The following SYMPK variants were observed in gnomAD, a reference collection of about 807,000 sequenced individuals.
SYMPK encodes the protein symplekin.
In SYMPK, 49 loss-of-function variants were observed where a neutral mutation model predicts 136.4. The ratio of observed to expected loss-of-function variants is 0.36; its 90% CI spans 0.29 to 0.46. The LOEUF (loss-of-function observed/expected upper bound fraction) is 0.46. Ranked by LOEUF, SYMPK falls within the 20% of genes least tolerant of loss-of-function variation. SYMPK has a pLI of 1.00. For synonymous variants in SYMPK, 766 were observed against 713.0 expected (o/e 1.07, Z -1.19); for missense variants, 1,365 against 1,690.0 (o/e 0.81, Z 3.37).
intron 1 of SYMPK, among the ~76,000 whole-genome samples, chr19:45,861,255 A>G (rs1971960590): frequency 1.3e-5 from 2 of 152,086 alleles, no homozygotes; most frequent in South Asian, 4.1e-4. Flanking sequence ...TAATACATTC[A>G]GATCAACCAA....
rs996145350 is a variant in SYMPK, at chr19:45,829,923, G to A, written c.1749+131C>T. ...GAGGATGGGAGTGATCTGGAGAAGCGGCTGTGGGCAGCAGAGCTGGGGTCC... is the reference window on the plus strand; with the variant it reads ...GAGGATGGGAGTGATCTGGAGAAGCAGCTGTGGGCAGCAGAGCTGGGGTCC... On this transcript the variant is annotated intron_variant, in intron 13 of 26. Coordinates refer to ENST00000245934, the MANE Select transcript of SYMPK (RefSeq NM_004819.3). 1.4e-5 allele frequency: 15 copies of A among 1,038,248 alleles called. No individual in the cohort carries two copies. In the African/African-American group the frequency reaches 1.8e-4, roughly 12 times the overall value. 64.3% of individuals were successfully genotyped at this position (1,038,248 alleles called of 1,614,324 possible).
intron 9 of SYMPK, among the ~76,000 whole-genome samples, chr19:45,839,882 G>A (rs1384119923): frequency 6.6e-6 from 1 of 151,926 alleles, no homozygotes; most frequent in African/African-American, 2.4e-5. Flanking sequence ...CTGGGTGAAC[G>A]TTTAAAGAGA....
In SYMPK at chr19:45,827,910, G is replaced by T; in HGVS notation, c.1994C>A (p.Thr665Asn). Residue 665 changes from threonine (T) to asparagine (N), a missense_variant, in exon 15 of 27, where the codon ACC (threonine) becomes AAC (asparagine). By Grantham distance (65) the Thr-to-Asn change is moderately conservative (BLOSUM62 0). Transcript: ENST00000245934. The stretch of plus-strand genomic sequence containing the variant: ...GAGTGGCGCCTCCAGCACAACCTTG[G>T]TGAAGATCCTGCCAGAGATGGAGGG... ...EKPDQKDGIFTKVVLEAPLIT... is the reference protein window; with the variant it reads ...EKPDQKDGIFNKVVLEAPLIT... 1 of 1,613,874 alleles carries T rather than the reference G, an allele frequency of 6.2e-7. No individual in the cohort carries two copies. The highest frequency in any genetic ancestry group is 8.5e-7 in the Non-Finnish European group (1 of 1,180,010).
Position 45,826,391 on chromosome 19 carries a change from G to C in SYMPK, c.2182-18C>G. On this transcript the variant is annotated intron_variant, in intron 16 of 26. Coordinates refer to ENST00000245934, the MANE Select transcript of SYMPK (RefSeq NM_004819.3). Reference sequence around the variant, plus strand: ...GAGCGCACCTGAGGAGGAAGATGGAGAAGGGCAGGGTCAGGGAAGAGGTAA... The same window carrying C: ...GAGCGCACCTGAGGAGGAAGATGGACAAGGGCAGGGTCAGGGAAGAGGTAA... 6.2e-7 allele frequency: 1 copy of C among 1,613,696 alleles called. No homozygotes were observed. Among genetic ancestry groups the C allele is most frequent in the Non-Finnish European group, 8.5e-7 (1 of 1,179,756 alleles).
intron 5 of SYMPK, among the ~76,000 whole-genome samples, chr19:45,850,056 CA>C (rs1424809936): frequency 6.6e-6 from 1 of 151,236 alleles, no homozygotes; most frequent in African/African-American, 2.4e-5. Flanking sequence ...AAAACAAAAA[CA>C]AAAACAAAAA....
chr19:45,833,978 C>G (rs541076230), intron 11 of SYMPK, among the ~76,000 whole-genome samples: 2 of 151,894 alleles, frequency 1.3e-5, no homozygotes, highest in Non-Finnish European at 2.9e-5. Context: ...GGTGAAACCC[C>G]GTCTCTACTA....
At chr19:45,823,646 G>A in intron 19 of SYMPK, 121 bp downstream of exon 19, 1 of 998,238 alleles carries the variant, frequency 1.0e-6, no homozygotes, top group Non-Finnish European at 1.5e-6. Context: ...GAGGCCCTAG[G>A]ACAGGCACAG....
At chr19:45,845,950 A>C (rs983492090) in intron 7 of SYMPK, among the ~76,000 whole-genome samples, 14 of 152,118 alleles carry the variant, frequency 9.2e-5, no homozygotes, top group African/African-American at 3.4e-4. Flanking sequence ...TAAAATAGTG[A>C]ATTAGGCCGG....
intron 10 of SYMPK, among the ~76,000 whole-genome samples, chr19:45,837,078 A>G (rs1971319695): frequency 6.6e-6 from 1 of 152,216 alleles, no homozygotes; most frequent in Non-Finnish European, 1.5e-5. Flanking sequence ...GCAGGAAAGA[A>G]ATAAAGGCAA....
rs1002379445 is a variant in SYMPK at position 45,857,682 on chromosome 19, G to A, written c.-12-3175C>T. On this transcript the variant is annotated intron_variant, in intron 1 of 26. Coordinates refer to ENST00000245934, the MANE Select transcript of SYMPK (RefSeq NM_004819.3). ...AATTTTTTGTATTTTTAGTAGAGAC[G>A]GGGTTTCACCATGTTAGCCAGGATG... Among the ~76,000 whole-genome samples the A allele has an allele frequency of 3.3e-4, 50 of 151,684 alleles. 1 individual carries two copies. The highest frequency in any genetic ancestry group is 6.8e-3 in the Middle Eastern group (2 of 294).
intron 12 of SYMPK, chr19:45,830,841 A>T (rs976718832): frequency 6.6e-6 from 1 of 152,162 alleles, no homozygotes; most frequent in Non-Finnish European, 1.5e-5. Context: ...GTGAGCTGAG[A>T]TCGCGCCACT....
chr19:45,834,692 T>C (rs1366271841), intron 11 of SYMPK, among the ~76,000 whole-genome samples: 2 of 152,296 alleles, frequency 1.3e-5, no homozygotes, highest in East Asian at 3.9e-4. Flanking sequence ...TGGGTGATGG[T>C]TACACTGGTG....
At position 45,842,299 on chromosome 19, in the gene SYMPK, G is replaced by A; in HGVS notation, c.1038C>T (p.Arg346=). 1 of 1,614,220 alleles carries A rather than the reference G, an allele frequency of 6.2e-7. No individual in the cohort carries two copies. Among genetic ancestry groups the A allele is most frequent in the Admixed American group, 1.7e-5 (1 of 60,030 alleles). ...AGTCCGAGTCATCGCGGGGCCGCTT[G>A]CGGGTGTCCTTGCTGCTCGGCATGT... ...ARNMPSSKDT[R]KRPRDDSDST... Residue 346 remains arginine, a synonymous_variant, in exon 9 of 27, where the codon CGC becomes CGT. Transcript: ENST00000245934.
rs181096351 is a variant in SYMPK, at chr19:45,825,967, C to T, written c.2329+259G>A. ...TCCAGGGCTCTGCTGAGGGAACCTG[C>T]CTGAGATGGCCCTGCCTGGTCCTTC... is the stretch of plus-strand genomic sequence containing the variant. On this transcript the variant is annotated intron_variant, in intron 17 of 26. Coordinates refer to ENST00000245934, the MANE Select transcript of SYMPK (RefSeq NM_004819.3). Among the ~76,000 whole-genome samples the T allele has an allele frequency of 5.9e-3, 905 of 152,298 alleles. 11 individuals carry two copies. Among genetic ancestry groups the T allele is most frequent in the African/African-American group, 0.021 (864 of 41,558 alleles).
At position 45,823,411 on chromosome 19, in the gene SYMPK, G is replaced by A. The variant is rs757560596; in HGVS notation, c.2661C>T (p.Asp887=). The change falls in exon 20 of 27, where the codon GAC becomes GAT. Residue 887 remains aspartate (D), a synonymous_variant. Transcript: ENST00000245934. ...VRDLYHKRLP[D]VRFLIPVLNG... ...TGAGCACCGGGATGAGGAAGCGGAC[G>A]TCTGGCAGTCGCTTGTGGTAGAGAT... 123 of 1,613,950 alleles carry A rather than the reference G, an allele frequency of 7.6e-5. No individual in the cohort carries two copies. Among genetic ancestry groups the A allele is most frequent in the Non-Finnish European group, 9.3e-5 (110 of 1,180,042 alleles).
At position 45,823,479 on chromosome 19, in the gene SYMPK, G is replaced by A. The variant is rs779286745; in HGVS notation, c.2600-7C>T. ...AGCTCTGGGGAGGGTGGGACTGCAT[G>A]GAAGCAGCAGGAGGCACCAAGTTGG... On this transcript the variant is annotated splice_polypyrimidine_tract_variant and splice_region_variant and intron_variant, in intron 19 of 26. Coordinates refer to ENST00000245934, the MANE Select transcript of SYMPK (RefSeq NM_004819.3). 5.0e-6 allele frequency: 8 copies of A among 1,613,280 alleles called. No individual in the cohort carries two copies. The Admixed American group carries it at 6.7e-5, about 13-fold the overall frequency.
chr19:45,822,369 C>G (rs10425088), intron 21 of SYMPK, among the ~76,000 whole-genome samples: 132,885 of 152,004 alleles, frequency 0.87, 58,297 homozygotes, highest in African/African-American at 0.95. Flanking sequence ...CCGCCCGCCT[C>G]GCCTCAAGTT....
rs1458280694 is a variant in SYMPK, at chr19:45,852,353, G to A, written c.258C>T (p.Ile86=). Residue 86 remains isoleucine, a synonymous_variant, in exon 5 of 27, where the codon ATC becomes ATT. Transcript: ENST00000245934. ...EIIAFQADKS[I]EVRKFVIGFI... is the part of the protein sequence containing the mutation. Reference sequence around the variant, plus strand: ...AGCCGATGACAAATTTTCGCACTTCGATTGACTTGTCTGCTTGGAATGCGA... The same window carrying A: ...AGCCGATGACAAATTTTCGCACTTCAATTGACTTGTCTGCTTGGAATGCGA... The A allele has an allele frequency of 3.7e-6, 6 of 1,614,196 alleles. No homozygotes were observed. The highest frequency in any genetic ancestry group is 1.1e-5 in the South Asian group (1 of 91,076).
Position 45,828,952 on chromosome 19 carries a change from C to G in SYMPK, c.1985+18G>C, listed in dbSNP as rs375392200. On this transcript the variant is annotated intron_variant, in intron 14 of 26. Coordinates refer to ENST00000245934, the MANE Select transcript of SYMPK (RefSeq NM_004819.3). ...GAAGCCTCTCGGGGACAGGAGGGTG[C>G]AGGGTCAGCCCCCTCACCCATCCTT... 1 of 1,607,916 alleles carries G rather than the reference C, an allele frequency of 6.2e-7. No homozygotes were observed. The highest frequency in any genetic ancestry group is 8.5e-7 in the Non-Finnish European group (1 of 1,174,764).
Sources: allele counts gnomAD v4.1 joint callset (sites outside exome capture counted in the v4.1 genomes callset), GRCh38; gene constraint gnomAD v4.1.1; transcripts MANE v1.5; gene names NCBI Gene and HGNC (gene_info 2026-07-23, HGNC 2026-07-21).